Variants in LRP1B observed in about 807,000 individuals in gnomAD.
The protein encoded by LRP1B is low-density lipoprotein receptor-related protein 1B.
LRP1B carries 217 observed loss-of-function variants against 556.6 expected under a neutral mutation model. The ratio of observed to expected loss-of-function variants is 0.39; its 90% CI spans 0.35 to 0.44. LRP1B has a LOEUF of 0.44. Ranked by LOEUF, LRP1B falls within the 20% of genes least tolerant of loss-of-function variation. The probability of loss-of-function intolerance (pLI) is 1.00; values close to 1 mark genes in which losing one functional copy is unlikely to be tolerated. For missense variants in LRP1B, 5,053 were observed against 5,620.8 expected (o/e 0.90, Z 3.23); for synonymous variants, 2,047 against 1,865.8 (o/e 1.10, Z -2.50).
intron 1 of LRP1B, among the ~76,000 whole-genome samples, chr2:141,979,196 A>T (rs1260079889): frequency 6.6e-6 from 1 of 152,066 alleles, no homozygotes; most frequent in Non-Finnish European, 1.5e-5. Context: ...TTAAATCTGG[A>T]CCTAAATTGT....
chr2:140,854,280 C>T (rs573693190), intron 27 of LRP1B, among the ~76,000 whole-genome samples: 1 of 151,990 alleles, frequency 6.6e-6, no homozygotes, highest in South Asian at 2.1e-4. Context: ...ACCCTTAACA[C>T]CCTACAATTA....
rs981620870 is a variant in LRP1B at position 140,234,943 on chromosome 2, G to A, written c.13561-59C>T. The A allele has an allele frequency of 1.4e-5, 10 of 719,934 alleles. No individual in the cohort carries two copies. In the African/African-American group the frequency reaches 1.4e-4, roughly 10 times the overall value. 44.6% of individuals were successfully genotyped at this position (719,934 alleles called of 1,614,324 possible). A position where few individuals can be genotyped will look rare whatever the true frequency, so the allele number is the denominator to read the frequency against. ...TAATATTATAGAATCACTTTTCATC[G>A]ATACATATCATGTTAATTCATAAAA... is the stretch of plus-strand genomic sequence containing the variant. On this transcript the variant is annotated intron_variant, in intron 89 of 90. Transcript: ENST00000389484.
At chr2:141,918,951 C>T (rs1382436582) in intron 1 of LRP1B, among the ~76,000 whole-genome samples, 2 of 152,042 alleles carry the variant, frequency 1.3e-5, no homozygotes, top group Non-Finnish European at 2.9e-5. Context: ...ACTTGAAAAT[C>T]CAAGCCAGGT....
chr2:140,951,850 T>G lies in LRP1B; in HGVS notation c.2968+10A>C, dbSNP rs1429348. ...AAATTAGTGCTATACAGTGAGCATT[T>G]GGTACTTGCCAGAGTCGCAGTGCCA... is the stretch of plus-strand genomic sequence containing the variant. On this transcript the variant is annotated intron_variant, in intron 19 of 90. Transcript: ENST00000389484. The G allele has an allele frequency of 0.67, 1,070,055 of 1,603,208 alleles. 363,130 individuals are homozygous for G. The highest frequency in any genetic ancestry group is 0.69 in the Non-Finnish European group (808,362 of 1,170,346).
chr2:140,318,676 G>GTTAAT (rs1684638915), intron 82 of LRP1B, among the ~76,000 whole-genome samples: 1 of 152,038 alleles, frequency 6.6e-6, no homozygotes, highest in Non-Finnish European at 1.5e-5. Flanking sequence ...TGGGTACTCT[G>GTTAAT]GGTGACACAG....
chr2:140,383,717 T>C (rs1683638584), intron 67 of LRP1B, among the ~76,000 whole-genome samples: 1 of 152,208 alleles, frequency 6.6e-6, no homozygotes, highest in South Asian at 2.1e-4. Flanking sequence ...CTACTAGTCT[T>C]CCATATTACA....
intron 40 of LRP1B, 102 bp downstream of exon 40, chr2:140,701,619 T>G (rs1214341128): frequency 5.2e-6 from 6 of 1,155,438 alleles, no homozygotes; most frequent in Non-Finnish European, 7.3e-6. Context: ...TGTTTTGAGG[T>G]TTTAGACTTA....
intron 2 of LRP1B, among the ~76,000 whole-genome samples, chr2:141,743,503 T>C (rs1352282438): frequency 1.0e-3 from 57 of 54,786 alleles, no homozygotes; most frequent in South Asian, 2.2e-3. Flanking sequence ...TTTTTTTTCT[T>C]TTTTTTTTTT....
chr2:142,067,733 C>G (rs993908782), intron 1 of LRP1B, among the ~76,000 whole-genome samples: 1 of 151,376 alleles, frequency 6.6e-6, no homozygotes, highest in African/African-American at 2.4e-5. Context: ...TTTTTTCCTC[C>G]TGTACAATAT....
chr2:141,470,525 C>T (rs895934551), intron 3 of LRP1B, among the ~76,000 whole-genome samples: 2 of 152,158 alleles, frequency 1.3e-5, no homozygotes, highest in African/African-American at 4.8e-5. Context: ...GATGCTGAAG[C>T]ATCATAATGT....
At chr2:140,601,357 T>G in intron 42 of LRP1B, 93 bp downstream of exon 42, 2 of 1,102,654 alleles carry the variant, frequency 1.8e-6, no homozygotes, top group African/African-American at 3.2e-5. Context: ...AATAAAAACT[T>G]TATTTTTAAA....
At chr2:141,906,702 G>A (rs1699769649) in intron 1 of LRP1B, among the ~76,000 whole-genome samples, 1 of 151,978 alleles carries the variant, frequency 6.6e-6, no homozygotes, top group African/African-American at 2.4e-5. Context: ...AAGTGAAACA[G>A]TTGATGTAAA....
At chr2:141,604,211 A>G (rs1687841575) in intron 2 of LRP1B, among the ~76,000 whole-genome samples, 1 of 152,192 alleles carries the variant, frequency 6.6e-6, no homozygotes, top group Admixed American at 6.5e-5. Context: ...TGAAACTATT[A>G]TATAAATTTT....
intron 7 of LRP1B, among the ~76,000 whole-genome samples, chr2:141,162,122 C>T (rs1680062265): frequency 6.6e-6 from 1 of 151,968 alleles, no homozygotes; most frequent in African/African-American, 2.4e-5. Context: ...CAGTCTAATC[C>T]CCAGGTTGCC....
chr2:140,534,709 T>C (rs1384422131), intron 46 of LRP1B, among the ~76,000 whole-genome samples: 1 of 152,174 alleles, frequency 6.6e-6, no homozygotes, highest in Non-Finnish European at 1.5e-5. Flanking sequence ...TTTCTTGACA[T>C]TCTCTGATTT....
chr2:141,166,650 A>T (rs1269970248), intron 7 of LRP1B, among the ~76,000 whole-genome samples: 1 of 151,670 alleles, frequency 6.6e-6, no homozygotes, highest in Non-Finnish European at 1.5e-5. Flanking sequence ...CTATATTTTT[A>T]TACCCATTAA....
At chr2:141,623,799 G>A (rs1485932983) in intron 2 of LRP1B, among the ~76,000 whole-genome samples, 1 of 151,844 alleles carries the variant, frequency 6.6e-6, no homozygotes, top group Non-Finnish European at 1.5e-5. Flanking sequence ...GGTGGATCAT[G>A]AGGTCAGGAG....
chr2:142,020,439 T>C (rs1703292778), intron 1 of LRP1B, among the ~76,000 whole-genome samples: 1 of 152,182 alleles, frequency 6.6e-6, no homozygotes, highest in African/African-American at 2.4e-5. Context: ...TTCCTTGTTT[T>C]ATGTTTGTTC....
chr2:142,087,367 T>G (rs4662224), intron 1 of LRP1B, among the ~76,000 whole-genome samples: 65,808 of 151,530 alleles, frequency 0.43, 16,119 homozygotes, highest in East Asian at 0.69. Context: ...TGACATGTCT[T>G]ACTTTGGCAG....
Sources: allele counts gnomAD v4.1 joint callset (sites outside exome capture counted in the v4.1 genomes callset), GRCh38; gene constraint gnomAD v4.1.1; transcripts MANE v1.5; gene names NCBI Gene and HGNC (gene_info 2026-07-23, HGNC 2026-07-21).